The following NSMCE2 variants were observed in gnomAD, a reference collection of about 807,000 sequenced individuals.
NSMCE2 encodes NSE2 SUMO ligase component of SMC5/6 complex.
NSMCE2 carries 24 observed loss-of-function variants against 23.8 expected under a neutral mutation model. That is an observed-to-expected ratio of 1.01 (90% CI 0.73 to 1.42). The LOEUF (loss-of-function observed/expected upper bound fraction) is 1.42, where lower values mean the gene tolerates loss of function less well. NSMCE2 is among the 40% of genes most tolerant of loss of function. The probability of loss-of-function intolerance (pLI) is 0.00; values close to 1 mark genes in which losing one functional copy is unlikely to be tolerated. For missense variants in NSMCE2, 284 were observed against 296.5 expected, an observed-to-expected ratio of 0.96 and a Z score of 0.31; for synonymous variants, 92 against 94.1, an observed-to-expected ratio of 0.98 and a Z score of 0.13.
At chr8:125,323,562 A>G (rs182621610) in intron 5 of NSMCE2, among the ~76,000 whole-genome samples, 55 of 152,364 alleles carry the variant, frequency 3.6e-4, no homozygotes, top group African/African-American at 1.3e-3. Flanking sequence ...CAAACATGCA[A>G]AGATAATGCA....
At chr8:125,161,670 G>T (rs1011896983) in intron 4 of NSMCE2, among the ~76,000 whole-genome samples, 2 of 151,774 alleles carry the variant, frequency 1.3e-5, no homozygotes, top group Admixed American at 6.6e-5. Context: ...GGTGGTACAT[G>T]CCTGTAATCC....
intron 5 of NSMCE2, among the ~76,000 whole-genome samples, chr8:125,190,994 C>A (rs1418728247): frequency 6.6e-6 from 1 of 152,120 alleles, no homozygotes; most frequent in African/African-American, 2.4e-5. Context: ...CCTCAGCCTC[C>A]CGAGTAGCTG....
chr8:125,334,845 T>C (rs1830019227), intron 5 of NSMCE2, among the ~76,000 whole-genome samples: 1 of 118,450 alleles, frequency 8.4e-6, no homozygotes, highest in Non-Finnish European at 1.6e-5. Flanking sequence ...TGCAGTGACC[T>C]CCCAGGCTCA....
chr8:125,125,531 A>G (rs1819476475), intron 3 of NSMCE2, among the ~76,000 whole-genome samples: 1 of 152,266 alleles, frequency 6.6e-6, no homozygotes, highest in African/African-American at 2.4e-5. Flanking sequence ...TGCAGGAAAC[A>G]GTGAAGGCAC....
At position 125,266,924 on chromosome 8, in the gene NSMCE2, TTA is replaced by T. The variant is rs1294005349; in HGVS notation, c.418+84671_418+84672del. Reference sequence around the variant, plus strand: ...GAATATCACAGGACAAAAACTTTATTTATAAATAAAGGTAATCTGAACATTTG... The same window carrying T: ...GAATATCACAGGACAAAAACTTTATTTAAATAAAGGTAATCTGAACATTTG... On this transcript the variant is annotated intron_variant, in intron 5 of 7. Coordinates refer to ENST00000287437, the MANE Select transcript of NSMCE2 (RefSeq NM_173685.4). Among the ~76,000 whole-genome samples the T allele has an allele frequency of 4.6e-5, 7 of 152,084 alleles. 1 individual carries two copies. In the East Asian group the frequency reaches 1.3e-3, roughly 29 times the overall value.
chr8:125,283,574 G>T (rs1051246186), intron 5 of NSMCE2, among the ~76,000 whole-genome samples: 21 of 152,104 alleles, frequency 1.4e-4, no homozygotes, highest in African/African-American at 4.3e-4. Context: ...GCCTCTTAGT[G>T]TCTCTAACCA....
intron 5 of NSMCE2, among the ~76,000 whole-genome samples, chr8:125,309,970 A>G (rs182976132): frequency 1.9e-3 from 283 of 152,378 alleles, no homozygotes; most frequent in Admixed American, 5.6e-3. Context: ...ACTCAAGATC[A>G]TGAAACATGT....
At chr8:125,220,883 T>G (rs1824825251) in intron 5 of NSMCE2, among the ~76,000 whole-genome samples, 2 of 152,186 alleles carry the variant, frequency 1.3e-5, no homozygotes, top group African/African-American at 4.8e-5. Context: ...AAGTCTTGTG[T>G]GTAATATATA....
intron 5 of NSMCE2, among the ~76,000 whole-genome samples, chr8:125,301,788 G>A (rs1486313448): frequency 2.6e-5 from 4 of 151,368 alleles, no homozygotes; most frequent in African/African-American, 7.3e-5. Flanking sequence ...GCAGCCTCCC[G>A]AGTAGCTGGG....
At chr8:125,334,619 T>C (rs1371418048) in intron 5 of NSMCE2, among the ~76,000 whole-genome samples, 1 of 151,986 alleles carries the variant, frequency 6.6e-6, no homozygotes, top group Non-Finnish European at 1.5e-5. Flanking sequence ...GTAGCAAGTG[T>C]CCATTATAGT....
intron 5 of NSMCE2, among the ~76,000 whole-genome samples, chr8:125,355,426 C>T (rs1813215957): frequency 6.6e-6 from 1 of 152,066 alleles, no homozygotes; most frequent in Non-Finnish European, 1.5e-5. Context: ...TTGGCTGGGC[C>T]CCGTGGCTCA....
chr8:125,260,600 A>T, intron 5 of NSMCE2, among the ~76,000 whole-genome samples: 1 of 146,106 alleles, frequency 6.8e-6, no homozygotes, highest in Non-Finnish European at 1.5e-5. Flanking sequence ...TTTGTGGTTT[A>T]ATTCCCTAAT....
Position 125,102,414 on chromosome 8 carries a change from A to G in NSMCE2, c.84A>G (p.Lys28=). Residue 28 remains lysine (K), a synonymous_variant, in exon 3 of 8, where the codon AAA becomes AAG. Transcript: ENST00000287437. Reference sequence around the variant, plus strand: ...TAGAGTCTGCTCTCTCCTCCTTGAAAAACTTCCAAGCCTGTATCAACTCTG... The same window carrying G: ...TAGAGTCTGCTCTCTCCTCCTTGAAGAACTTCCAAGCCTGTATCAACTCTG... ...SGVESALSSL[K]NFQACINSGM... is the part of the protein sequence containing the mutation. 6.2e-7 allele frequency: 1 copy of G among 1,613,876 alleles called. No homozygotes were observed. Among genetic ancestry groups the G allele is most frequent in the Non-Finnish European group, 8.5e-7 (1 of 1,179,778 alleles).
chr8:125,171,020 A>G (rs1393944752), intron 4 of NSMCE2, among the ~76,000 whole-genome samples: 1 of 151,980 alleles, frequency 6.6e-6, no homozygotes, highest in Non-Finnish European at 1.5e-5. Flanking sequence ...AATACTACTG[A>G]CCTCATCCCC....
intron 5 of NSMCE2, among the ~76,000 whole-genome samples, chr8:125,289,134 A>T (rs1007587592): frequency 1.3e-5 from 2 of 152,216 alleles, no homozygotes; most frequent in East Asian, 1.9e-4. Flanking sequence ...CAAGGCCTAC[A>T]GCAGTACCTA....
At chr8:125,158,823 T>C (rs1821453591) in intron 4 of NSMCE2, among the ~76,000 whole-genome samples, 1 of 152,098 alleles carries the variant, frequency 6.6e-6, no homozygotes, top group African/African-American at 2.4e-5. Flanking sequence ...AGAAGAGAGA[T>C]GGGGAAATAG....
chr8:125,129,489 C>A (rs1259325181), intron 3 of NSMCE2, among the ~76,000 whole-genome samples: 1 of 151,800 alleles, frequency 6.6e-6, no homozygotes, highest in Non-Finnish European at 1.5e-5. Context: ...CACCCTGCAA[C>A]CCAGGTCCAT....
intron 5 of NSMCE2, among the ~76,000 whole-genome samples, chr8:125,355,559 G>C (rs1311002463): frequency 6.6e-6 from 1 of 152,036 alleles, no homozygotes; most frequent in Non-Finnish European, 1.5e-5. Flanking sequence ...AATTAGCCAG[G>C]CATGGTGTCG....
chr8:125,243,771 T>C (rs1051084696), intron 5 of NSMCE2, among the ~76,000 whole-genome samples: 2 of 152,174 alleles, frequency 1.3e-5, no homozygotes, highest in African/African-American at 4.8e-5. Flanking sequence ...TGTATCCAAT[T>C]ACCTAATAGT....
Sources: gnomAD v4.1 joint callset for allele counts (sites outside exome capture counted in the v4.1 genomes callset) on GRCh38, gnomAD v4.1.1 for gene constraint, MANE v1.5 for transcripts, NCBI Gene and HGNC (gene_info 2026-07-23, HGNC 2026-07-21) for gene names.